TAFA1: variants seen among roughly 807,000 people sequenced by gnomAD.
The protein encoded by TAFA1 is TAFA chemokine like family member 1.
TAFA1 carries 4 observed loss-of-function variants against 18.5 expected under a neutral mutation model. The observed-to-expected ratio is 0.22, with a 90% CI of 0.11 to 0.49. TAFA1 has a LOEUF of 0.49. Ranked by LOEUF, TAFA1 falls within the 20% of genes least tolerant of loss-of-function variation. The pLI, the probability that TAFA1 is intolerant of heterozygous loss-of-function variation, is 0.98. For synonymous variants in TAFA1, 56 were observed against 55.2 expected (o/e 1.01, Z -0.06); for missense variants, 147 against 169.0 (o/e 0.87, Z 0.72).
chr3:68,351,652 G>T (rs186544771), intron 2 of TAFA1, among the ~76,000 whole-genome samples: 4 of 152,048 alleles, frequency 2.6e-5, no homozygotes, highest in Admixed American at 2.0e-4. Context: ...CAAAGGAAAA[G>T]AACTTTGAGT....
chr3:68,506,153 T>A (rs1487567581), intron 3 of TAFA1, among the ~76,000 whole-genome samples: 4 of 152,072 alleles, frequency 2.6e-5, no homozygotes, highest in Non-Finnish European at 1.5e-5. Flanking sequence ...GGTTTTCTGT[T>A]CTTGTGTTAG....
intron 3 of TAFA1, among the ~76,000 whole-genome samples, chr3:68,494,480 A>G (rs1263621940): frequency 1.3e-5 from 2 of 152,198 alleles, no homozygotes; most frequent in Non-Finnish European, 2.9e-5. Flanking sequence ...TGAAAAATAT[A>G]TATCCCAATC....
At chr3:68,327,813 A>G (rs2068801042) in intron 2 of TAFA1, among the ~76,000 whole-genome samples, 1 of 152,238 alleles carries the variant, frequency 6.6e-6, no homozygotes, top group Non-Finnish European at 1.5e-5. Flanking sequence ...AATGGATTAT[A>G]TCATTTAAAG....
At chr3:68,286,213 A>G (rs1459474360) in intron 2 of TAFA1, among the ~76,000 whole-genome samples, 2 of 152,082 alleles carry the variant, frequency 1.3e-5, no homozygotes, top group African/African-American at 4.8e-5. Flanking sequence ...CCATCTAAAA[A>G]ATAATAATAA....
At chr3:68,237,802 G>A (rs964002800) in intron 2 of TAFA1, among the ~76,000 whole-genome samples, 2 of 152,142 alleles carry the variant, frequency 1.3e-5, no homozygotes, top group African/African-American at 4.8e-5. Flanking sequence ...GGGATAGAAA[G>A]TTGCATATAA....
chr3:68,024,837 A>T (rs888606777), intron 2 of TAFA1, among the ~76,000 whole-genome samples: 1 of 151,706 alleles, frequency 6.6e-6, no homozygotes, highest in African/African-American at 2.4e-5. Context: ...ACACACAATT[A>T]TACATTGTTA....
chr3:68,291,202 T>A (rs1467783627), intron 2 of TAFA1, among the ~76,000 whole-genome samples: 2 of 152,196 alleles, frequency 1.3e-5, no homozygotes, highest in East Asian at 3.9e-4. Flanking sequence ...TCAGCTCACA[T>A]TAAAGTTTCC....
rs116091284 is a variant in TAFA1 at position 68,026,274 on chromosome 3, G to A, written c.118+19530G>A. On this transcript the variant is annotated intron_variant, in intron 2 of 4. Coordinates refer to ENST00000478136, the MANE Select transcript of TAFA1 (RefSeq NM_213609.4). ...GAATCCTTGTGAAGATGAGGTGACTGGTCCAGCAGCGGGGGAATGAGAGAT... is the reference window on the plus strand; with the variant it reads ...GAATCCTTGTGAAGATGAGGTGACTAGTCCAGCAGCGGGGGAATGAGAGAT... 4.5e-3 allele frequency among the ~76,000 whole-genome samples: 678 copies of A among 152,026 alleles called. 5 individuals carry two copies. Among genetic ancestry groups the A allele is most frequent in the African/African-American group, 0.016 (650 of 41,482 alleles).
At chr3:68,049,236 TAAACTC>T (rs2064435167) in intron 2 of TAFA1, among the ~76,000 whole-genome samples, 1 of 152,142 alleles carries the variant, frequency 6.6e-6, no homozygotes, top group South Asian at 2.1e-4. Flanking sequence ...TAAAAGGAAA[TAAACTC>T]TAAATCTTTG....
At chr3:68,109,069 T>C (rs2065235743) in intron 2 of TAFA1, among the ~76,000 whole-genome samples, 1 of 152,170 alleles carries the variant, frequency 6.6e-6, no homozygotes, top group African/African-American at 2.4e-5. Context: ...CAAAGCCCTG[T>C]TAATGAATAT....
chr3:68,097,522 T>C (rs2065100141), intron 2 of TAFA1, among the ~76,000 whole-genome samples: 1 of 152,160 alleles, frequency 6.6e-6, no homozygotes, highest in South Asian at 2.1e-4. Flanking sequence ...GTTTGTATTC[T>C]GTTGTCTCAA....
At chr3:68,203,569 A>G (rs1303999526) in intron 2 of TAFA1, among the ~76,000 whole-genome samples, 2 of 151,674 alleles carry the variant, frequency 1.3e-5, no homozygotes, top group Non-Finnish European at 3.0e-5. Context: ...GAAGTGTCCT[A>G]TGATTGGGTT....
chr3:68,254,473 TA>T (rs2067260000), intron 2 of TAFA1, among the ~76,000 whole-genome samples: 1 of 152,090 alleles, frequency 6.6e-6, no homozygotes, highest in African/African-American at 2.4e-5. Flanking sequence ...AAGATACTTG[TA>T]ACATCATTTG....
chr3:68,261,398 A>G (rs1392225669), intron 2 of TAFA1, among the ~76,000 whole-genome samples: 1 of 152,226 alleles, frequency 6.6e-6, no homozygotes, highest in East Asian at 1.9e-4. Flanking sequence ...CATTTGACCC[A>G]GCCATCCCAT....
At chr3:68,313,109 A>T (rs1306964726) in intron 2 of TAFA1, among the ~76,000 whole-genome samples, 13 of 152,216 alleles carry the variant, frequency 8.5e-5, no homozygotes, top group Non-Finnish European at 1.5e-5. Context: ...ATCATTTCCC[A>T]CATGGTCCTC....
intron 3 of TAFA1, among the ~76,000 whole-genome samples, chr3:68,514,579 A>G (rs958055807): frequency 1.3e-5 from 2 of 152,140 alleles, no homozygotes. Flanking sequence ...CTGACTTCAG[A>G]CATCACTATC....
In TAFA1 at chr3:68,024,153, CCTT is replaced by C. The variant is rs373303646; in HGVS notation, c.118+17410_118+17412del. ...TATTATCCTAAGTATTTTTTATTCTCCTTATTTTTACTTCCAGAACTGTATCGT... is the reference window on the plus strand; with the variant it reads ...TATTATCCTAAGTATTTTTTATTCTCATTTTTACTTCCAGAACTGTATCGT... On this transcript the variant is annotated intron_variant, in intron 2 of 4. Coordinates refer to ENST00000478136, the MANE Select transcript of TAFA1 (RefSeq NM_213609.4). Among the ~76,000 whole-genome samples the C allele has an allele frequency of 3.3e-3, 501 of 152,226 alleles. 4 individuals carry two copies. The highest frequency in any genetic ancestry group is 0.012 in the African/African-American group (485 of 41,544).
At chr3:68,254,787 G>A (rs954926239) in intron 2 of TAFA1, among the ~76,000 whole-genome samples, 3 of 152,016 alleles carry the variant, frequency 2.0e-5, no homozygotes, top group East Asian at 1.9e-4. Context: ...TGTACTAAGG[G>A]CCATTGTATT....
intron 2 of TAFA1, among the ~76,000 whole-genome samples, chr3:68,415,516 G>A (rs2106791912): frequency 6.6e-6 from 1 of 152,212 alleles, no homozygotes; most frequent in African/African-American, 2.4e-5. Flanking sequence ...TGGGAGGTAG[G>A]AGTGAGTATT....
Sources: allele counts gnomAD v4.1 joint callset (sites outside exome capture counted in the v4.1 genomes callset), GRCh38; gene constraint gnomAD v4.1.1; transcripts MANE v1.5; gene names NCBI Gene and HGNC (gene_info 2026-07-23, HGNC 2026-07-21).